NBEAL1: variants seen among roughly 807,000 people sequenced by gnomAD.
The protein encoded by NBEAL1 is neurobeachin-like protein 1.
Under a neutral mutation model 351.3 loss-of-function variants are expected in NBEAL1, and 273 were observed. The ratio of observed to expected loss-of-function variants is 0.78; its 90% CI spans 0.70 to 0.86. The LOEUF (loss-of-function observed/expected upper bound fraction) is 0.86, where lower values mean the gene tolerates loss of function less well. Ranked by LOEUF, NBEAL1 falls within the 40% of genes least tolerant of loss-of-function variation. The pLI, the probability that NBEAL1 is intolerant of heterozygous loss-of-function variation, is 0.00. For missense variants in NBEAL1, 2,961 were observed against 3,201.3 expected (o/e 0.92, Z 1.81); for synonymous variants, 1,050 against 1,086.4 (o/e 0.97, Z 0.66).
intron 38 of NBEAL1, 43 bp from the exon 39 acceptor site, chr2:203,169,704 T>C: frequency 4.8e-6 from 5 of 1,033,480 alleles, no homozygotes; most frequent in Non-Finnish European, 7.3e-6. Context: ...CTTCCAAGTT[T>C]GTCTTGATTC....
At chr2:203,140,358 C>T (rs1271390176) in intron 31 of NBEAL1, among the ~76,000 whole-genome samples, 1 of 151,484 alleles carries the variant, frequency 6.6e-6, no homozygotes, top group Admixed American at 6.6e-5. Flanking sequence ...AATAATTCAG[C>T]ATAACGTAAG....
At chr2:203,136,391 AC>A in intron 28 of NBEAL1, 139 bp downstream of exon 28, 1 of 819,266 alleles carries the variant, frequency 1.2e-6, no homozygotes, top group Non-Finnish European at 1.8e-6. Flanking sequence ...AGGTTTAGAA[AC>A]CTGGAAGTCA....
rs1344852859 is a variant in NBEAL1 at position 203,220,510 on chromosome 2, G to C, written c.*3156G>C. 6.6e-6 allele frequency among the ~76,000 whole-genome samples: 1 copy of C among 151,726 alleles called. No homozygotes were observed. Among genetic ancestry groups the C allele is most frequent in the Non-Finnish European group, 1.5e-5 (1 of 67,934 alleles). ...AAAAAAAAAAAAGTCTGTTATCTTT[G>C]CAAAACTTTTTGTATGCTTTTGTTT... On this transcript the variant is annotated 3_prime_UTR_variant, in exon 56 of 56. Transcript: ENST00000683969.
chr2:203,197,253 CCT>C lies in NBEAL1; in HGVS notation c.7039-48_7039-47del, dbSNP rs772051464. 11 of 1,038,490 alleles carry C rather than the reference CCT, an allele frequency of 1.1e-5. No homozygotes were observed. In the African/African-American group the frequency reaches 1.7e-4, roughly 16 times the overall value. The allele number at this position is 1,038,490 out of a possible 1,614,324, so 64.3% of individuals were successfully genotyped here. ...AAGAGACGGTTTTCAGTAATTTGTA[CCT>C]AATAAAGATGAGCAGAACCAGCCAC... On this transcript the variant is annotated intron_variant, in intron 47 of 55. Coordinates refer to ENST00000683969, the MANE Select transcript of NBEAL1 (RefSeq NM_001378026.1).
chr2:203,029,066 A>G (rs369775582), intron 2 of NBEAL1, among the ~76,000 whole-genome samples: 10 of 151,686 alleles, frequency 6.6e-5, no homozygotes, highest in African/African-American at 2.4e-4. Flanking sequence ...GCTCACTACA[A>G]CCTCCACCTC....
At chr2:203,122,541 A>G (rs2062853413) in intron 19 of NBEAL1, among the ~76,000 whole-genome samples, 198 bp downstream of exon 19, 1 of 152,252 alleles carries the variant, frequency 6.6e-6, no homozygotes, top group African/African-American at 2.4e-5. Flanking sequence ...TTTGAAGTAT[A>G]GTTACCTTTG....
chr2:203,136,205 A>G lies in NBEAL1; in HGVS notation c.4342A>G (p.Asn1448Asp), dbSNP rs1425072399. 3 of 1,610,104 alleles carry G rather than the reference A, an allele frequency of 1.9e-6. No homozygotes were observed. Among genetic ancestry groups the G allele is most frequent in the Non-Finnish European group, 1.7e-6 (2 of 1,178,906 alleles). Residue 1448 changes from asparagine (N) to aspartate (D), a missense_variant, in exon 28 of 56, where the codon AAT (asparagine) becomes GAT (aspartate). Coordinates refer to ENST00000683969, the MANE Select transcript of NBEAL1 (RefSeq NM_001378026.1). The stretch of plus-strand genomic sequence containing the variant: ...CTCTGACAGAGAAAGCAGCATCACA[A>G]ATGATATGGGCTTTAGTGATGACTT... ...VHSDRESSIT[N>D]DMGFSDDFSL...
chr2:203,036,075 C>T (rs941959821), intron 2 of NBEAL1, among the ~76,000 whole-genome samples: 2 of 149,088 alleles, frequency 1.3e-5, no homozygotes, highest in Non-Finnish European at 3.0e-5. Flanking sequence ...TAATTTGGCT[C>T]CAGCACTCCT....
intron 36 of NBEAL1, among the ~76,000 whole-genome samples, chr2:203,158,191 CAAAA>C (rs780078020): frequency 6.6e-5 from 10 of 151,912 alleles, no homozygotes; most frequent in South Asian, 2.1e-4. Context: ...AAGAGAAAAA[CAAAA>C]AGAAAGATTA....
chr2:203,059,129 A>C (rs573025252), intron 6 of NBEAL1, among the ~76,000 whole-genome samples: 38 of 152,324 alleles, frequency 2.5e-4, no homozygotes, highest in African/African-American at 8.9e-4. Context: ...TAGCCACCAT[A>C]CCATTAGATG....
chr2:203,199,557 T>C, intron 49 of NBEAL1, 110 bp downstream of exon 49: 1 of 617,026 alleles, frequency 1.6e-6, no homozygotes, highest in Admixed American at 3.3e-5. Context: ...TTTTTTTTTT[T>C]TTTTTGAGAC....
rs535867897 is a variant in NBEAL1, at chr2:203,124,659, C to T, written c.2683-693C>T. Among the ~76,000 whole-genome samples, 16 of 152,180 alleles carry T rather than the reference C, an allele frequency of 1.1e-4. No homozygotes were observed. In the South Asian group the frequency reaches 1.5e-3, roughly 14 times the overall value. ...TGTTTGAAGACTTAAGTTATGTCCA[C>T]GTGGCAATTCAGAACACTTTAATAA... On this transcript the variant is annotated intron_variant, in intron 19 of 55. Transcript: ENST00000683969.
chr2:203,141,163 C>T (rs1268047226), intron 31 of NBEAL1, among the ~76,000 whole-genome samples: 1 of 149,410 alleles, frequency 6.7e-6, no homozygotes, highest in Non-Finnish European at 1.5e-5. Context: ...CTAGATAGTT[C>T]TTTATTTTAG....
At chr2:203,191,759 A>C (rs2065095844) in intron 46 of NBEAL1, among the ~76,000 whole-genome samples, 1 of 152,208 alleles carries the variant, frequency 6.6e-6, no homozygotes, top group African/African-American at 2.4e-5. Context: ...TATATGCCTG[A>C]CCATCTAACT....
intron 2 of NBEAL1, among the ~76,000 whole-genome samples, chr2:203,022,086 G>T (rs901072152): frequency 2.0e-5 from 3 of 151,662 alleles, no homozygotes; most frequent in African/African-American, 7.3e-5. Flanking sequence ...AAAAAGACAT[G>T]TATCATAAAT....
rs747961084 is a variant in NBEAL1, at chr2:203,049,946, G to T, written c.276G>T (p.Leu92Phe). The change falls in exon 4 of 56, where the codon TTG (leucine) becomes TTT (phenylalanine). Residue 92 changes from leucine to phenylalanine, a missense_variant. Coordinates refer to ENST00000683969, the MANE Select transcript of NBEAL1 (RefSeq NM_001378026.1). The part of the protein sequence containing the change: ...LEEQQQALSI[L>F]LVKFFIILCR... ...AACAACAGCAAGCCTTGTCAATTTTGCTTGTCAAGTTCTTCATTATTCTTT... is the reference window on the plus strand; with the variant it reads ...AACAACAGCAAGCCTTGTCAATTTTTCTTGTCAAGTTCTTCATTATTCTTT... 3.2e-6 allele frequency: 5 copies of T among 1,553,534 alleles called. No homozygotes were observed.
rs6748898 is a variant in NBEAL1, at chr2:203,132,147, A to G, written c.3724+15A>G. The G allele has an allele frequency of 0.95, 1,319,004 of 1,387,246 alleles. 628,068 individuals carry two copies. Among genetic ancestry groups the G allele is most frequent in the Non-Finnish European group, 0.96 (989,635 of 1,031,780 alleles). 85.9% of individuals were successfully genotyped at this position (1,387,246 alleles called of 1,614,324 possible). A position where few individuals can be genotyped will look rare whatever the true frequency, so the allele number is the denominator to read the frequency against. The stretch of plus-strand genomic sequence containing the variant: ...CATAAATACAGGTATGAATAAGGCT[A>G]ATAAAGCTAACATATTTAAGAAATG... On this transcript the variant is annotated intron_variant, in intron 26 of 55. Transcript: ENST00000683969.
intron 2 of NBEAL1, among the ~76,000 whole-genome samples, chr2:203,030,378 G>C (rs1421434183): frequency 1.3e-5 from 2 of 152,156 alleles, no homozygotes; most frequent in Middle Eastern, 3.2e-3. Flanking sequence ...GTAGGAGTTA[G>C]AAGAGGCTTC....
intron 19 of NBEAL1, among the ~76,000 whole-genome samples, chr2:203,123,335 CTTTTTTCTTTTT>C (rs1175120388): frequency 3.4e-5 from 5 of 146,686 alleles, no homozygotes; most frequent in Non-Finnish European, 7.5e-5. Context: ...CTTTTCTTTT[CTTTTTTCTTTTT>C]TTTTTTTTTG....
Sources: allele counts gnomAD v4.1 joint callset (sites outside exome capture counted in the v4.1 genomes callset), GRCh38; gene constraint gnomAD v4.1.1; transcripts MANE v1.5; gene names NCBI Gene and HGNC (gene_info 2026-07-23, HGNC 2026-07-21).